MCUB: variants seen among roughly 807,000 people sequenced by gnomAD.
MCUB encodes calcium uniporter regulatory subunit MCUb, mitochondrial.
In MCUB, 46 loss-of-function variants were observed where a neutral mutation model predicts 41.4. That is an observed-to-expected ratio of 1.11 (90% CI 0.88 to 1.42). The LOEUF is 1.42. Among genes scored for constraint, MCUB ranks in the 40% most tolerant of loss-of-function variants. MCUB has a pLI of 0.00. For missense variants in MCUB, 403 were observed against 404.9 expected, an observed-to-expected ratio of 1.00 and a Z score of 0.04; for synonymous variants, 148 against 148.2, an observed-to-expected ratio of 1.00 and a Z score of 0.01.
In MCUB at chr4:109,688,264, T is replaced by G. The variant is rs1483183164; in HGVS notation, c.*672T>G. On this transcript the variant is annotated 3_prime_UTR_variant, in exon 8 of 8. Coordinates refer to ENST00000394650, the MANE Select transcript of MCUB (RefSeq NM_017918.5). ...ACAAAACAGTATTATTCAGATTCTA[T>G]ATCATATTAATAAGAATTGAACCTT... is the stretch of plus-strand genomic sequence containing the variant. 6.6e-6 allele frequency: 1 copy of G among 152,260 alleles called. No individual in the cohort carries two copies. The highest frequency in any genetic ancestry group is 1.5e-5 in the Non-Finnish European group (1 of 68,068). 9.4% of individuals were successfully genotyped at this position (152,260 alleles called of 1,614,324 possible).
intron 1 of MCUB, among the ~76,000 whole-genome samples, chr4:109,612,897 G>C (rs538258053): frequency 1.3e-5 from 2 of 152,104 alleles, no homozygotes; most frequent in East Asian, 3.9e-4. Flanking sequence ...ACAAGGTCAG[G>C]AGATCAAGAC....
intron 4 of MCUB, among the ~76,000 whole-genome samples, chr4:109,668,128 A>G (rs915753554): frequency 4.6e-5 from 7 of 152,128 alleles, no homozygotes; most frequent in African/African-American, 1.4e-4. Context: ...TGGATAGTCT[A>G]TAGATGTCAC....
At chr4:109,616,786 G>T (rs917307046) in intron 1 of MCUB, among the ~76,000 whole-genome samples, 5 of 152,054 alleles carry the variant, frequency 3.3e-5, no homozygotes, top group African/African-American at 7.2e-5. Context: ...ATGTACTAAA[G>T]TCAAAAGTAC....
In MCUB at chr4:109,687,853, G is replaced by A. The variant is rs1037540469; in HGVS notation, c.*261G>A. 7.1e-6 allele frequency: 3 copies of A among 424,512 alleles called. No homozygotes were observed. Among genetic ancestry groups the A allele is most frequent in the South Asian group, 2.9e-5 (1 of 34,196 alleles). 26.3% of individuals were successfully genotyped at this position (424,512 alleles called of 1,614,324 possible). A position where few individuals can be genotyped will look rare whatever the true frequency, so the allele number is the denominator to read the frequency against. On this transcript the variant is annotated 3_prime_UTR_variant, in exon 8 of 8. Transcript: ENST00000394650. ...AAAAATCCTTGTCAGCTTGTCCCAC[G>A]TTTATTCTCTATGTGGAGGTGAAAG...
intron 1 of MCUB, among the ~76,000 whole-genome samples, chr4:109,577,567 C>T (rs1727059582): frequency 6.9e-6 from 1 of 145,764 alleles, no homozygotes; most frequent in Non-Finnish European, 1.5e-5. Context: ...AAAACTTGAT[C>T]GTTTCATAGC....
At chr4:109,597,740 C>T (rs1727608093) in intron 1 of MCUB, among the ~76,000 whole-genome samples, 1 of 144,130 alleles carries the variant, frequency 6.9e-6, no homozygotes, top group Non-Finnish European at 1.5e-5. Context: ...GGGCTGACCC[C>T]CCCACCTCCC....
chr4:109,682,014 A>G (rs1404277329), intron 4 of MCUB, among the ~76,000 whole-genome samples: 1 of 152,208 alleles, frequency 6.6e-6, no homozygotes, highest in Non-Finnish European at 1.5e-5. Context: ...CTCTCAGGCA[A>G]TAGATGATCG....
In MCUB at chr4:109,685,258, C is replaced by A; in HGVS notation, c.824C>A (p.Thr275Asn). The A allele has an allele frequency of 3.8e-6, 5 of 1,327,340 alleles. No homozygotes were observed. Among genetic ancestry groups the A allele is most frequent in the South Asian group, 1.2e-5 (1 of 84,642 alleles). The allele number at this position is 1,327,340 out of a possible 1,614,324, so 82.2% of individuals were successfully genotyped here. A position where few individuals can be genotyped will look rare whatever the true frequency, so the allele number is the denominator to read the frequency against. The change falls in exon 7 of 8, where the codon ACT becomes AAT. Residue 275 changes from threonine (T) to asparagine (N), a missense_variant. By Grantham distance (65) the Thr-to-Asn change is moderately conservative (BLOSUM62 0). Transcript: ENST00000394650. ...TCTCTCTTTTTTTTTAAGGATTATACTTACTCAGCTGTTAAGAGTAGGCAA... is the reference window on the plus strand; with the variant it reads ...TCTCTCTTTTTTTTTAAGGATTATAATTACTCAGCTGTTAAGAGTAGGCAA... ...AYFIVTRQDY[T>N]YSAVKSRQFL... is the part of the protein sequence containing the mutation.
intron 1 of MCUB, among the ~76,000 whole-genome samples, chr4:109,604,474 T>A (rs975146053): frequency 2.0e-4 from 31 of 152,368 alleles, no homozygotes; most frequent in African/African-American, 7.2e-4. Flanking sequence ...AAGGATAAAT[T>A]TAACTTCTTC....
chr4:109,576,088 C>T (rs1727020356), intron 1 of MCUB, among the ~76,000 whole-genome samples: 1 of 152,126 alleles, frequency 6.6e-6, no homozygotes, highest in Non-Finnish European at 1.5e-5. Flanking sequence ...ACCATGTGGA[C>T]CAAGAAGCAG....
chr4:109,563,867 G>A (rs7680129), intron 1 of MCUB, among the ~76,000 whole-genome samples: 13,772 of 150,952 alleles, frequency 0.091, 1,986 homozygotes, highest in African/African-American at 0.31. Context: ...GATTACAGGC[G>A]TGAGCCACCG....
intron 5 of MCUB, among the ~76,000 whole-genome samples, chr4:109,684,101 C>T (rs1392345685): frequency 1.4e-5 from 2 of 147,364 alleles, no homozygotes; most frequent in Admixed American, 6.7e-5. Flanking sequence ...CTTGCACTGT[C>T]GCCCAGGCTG....
chr4:109,613,585 A>G (rs1728065761), intron 1 of MCUB, among the ~76,000 whole-genome samples: 1 of 152,242 alleles, frequency 6.6e-6, no homozygotes. Context: ...GATAGACAAC[A>G]GAGCGAATCT....
intron 1 of MCUB, among the ~76,000 whole-genome samples, chr4:109,581,652 C>A (rs909144988): frequency 6.7e-4 from 102 of 152,268 alleles, no homozygotes; most frequent in Non-Finnish European, 1.2e-3. Flanking sequence ...GGGCTAATAT[C>A]CAGAATCTAC....
intron 1 of MCUB, among the ~76,000 whole-genome samples, chr4:109,618,859 C>T (rs1329986252): frequency 6.6e-6 from 1 of 151,962 alleles, no homozygotes; most frequent in Non-Finnish European, 1.5e-5. Context: ...GCCAACATAA[C>T]AATAAGCTTC....
Position 109,687,824 on chromosome 4 carries a change from A to G in MCUB, c.*232A>G. Reference sequence around the variant, plus strand: ...TATCAAAGCAACGGTGGCTGCTGTTAGCTAAAAATCCTTGTCAGCTTGTCC... The same window carrying G: ...TATCAAAGCAACGGTGGCTGCTGTTGGCTAAAAATCCTTGTCAGCTTGTCC... On this transcript the variant is annotated 3_prime_UTR_variant, in exon 8 of 8. Coordinates refer to ENST00000394650, the MANE Select transcript of MCUB (RefSeq NM_017918.5). 2.1e-6 allele frequency: 1 copy of G among 487,538 alleles called. No homozygotes were observed. 30.2% of individuals were successfully genotyped at this position (487,538 alleles called of 1,614,324 possible).
At position 109,606,019 on chromosome 4, in the gene MCUB, G is replaced by A. The variant is rs1280179910; in HGVS notation, c.99+45583G>A. The stretch of plus-strand genomic sequence containing the variant: ...AGACAGACTCTCGCTCTGTTGCCCA[G>A]GCTGGAGTGCAGTGGTGCGATCTCT... On this transcript the variant is annotated intron_variant, in intron 1 of 7. Coordinates refer to ENST00000394650, the MANE Select transcript of MCUB (RefSeq NM_017918.5). Among the ~76,000 whole-genome samples the A allele has an allele frequency of 2.0e-5, 3 of 152,068 alleles. No individual in the cohort carries two copies. The East Asian group carries it at 5.8e-4, about 29-fold the overall frequency.
At chr4:109,636,061 G>A (rs1728582572) in intron 1 of MCUB, among the ~76,000 whole-genome samples, 1 of 152,208 alleles carries the variant, frequency 6.6e-6, no homozygotes, top group Non-Finnish European at 1.5e-5. Flanking sequence ...TTCATTTTGA[G>A]CATAGACTTA....
At chr4:109,566,296 C>T (rs550946554) in intron 1 of MCUB, among the ~76,000 whole-genome samples, 5 of 151,430 alleles carry the variant, frequency 3.3e-5, no homozygotes, top group Admixed American at 1.3e-4. Context: ...GGTGAAACCC[C>T]GTCTCTACTA....
Sources: gnomAD v4.1 joint callset for allele counts (sites outside exome capture counted in the v4.1 genomes callset) on GRCh38, gnomAD v4.1.1 for gene constraint, MANE v1.5 for transcripts, NCBI Gene and HGNC (gene_info 2026-07-23, HGNC 2026-07-21) for gene names.